NRXN3: variants seen among roughly 807,000 people sequenced by gnomAD.
NRXN3 encodes the protein neurexin III.
In NRXN3, 32 loss-of-function variants were observed where a neutral mutation model predicts 137.6. The observed-to-expected ratio is 0.23, with a 90% CI of 0.18 to 0.31. The LOEUF (loss-of-function observed/expected upper bound fraction) is 0.31, where lower values mean the gene tolerates loss of function less well. Among genes scored for constraint, NRXN3 ranks in the 10% least tolerant of loss-of-function variants. NRXN3 has a pLI of 1.00. For missense variants in NRXN3, 1,574 were observed against 2,062.5 expected, an observed-to-expected ratio of 0.76 and a Z score of 4.59; for synonymous variants, 798 against 784.5, an observed-to-expected ratio of 1.02 and a Z score of -0.29.
At chr14:79,536,257 G>A (rs916028307) in intron 16 of NRXN3, among the ~76,000 whole-genome samples, 1 of 152,114 alleles carries the variant, frequency 6.6e-6, no homozygotes, top group African/African-American at 2.4e-5. Flanking sequence ...ACAGAGCATG[G>A]AAAACCATAA....
intron 2 of NRXN3, among the ~76,000 whole-genome samples, chr14:78,274,418 A>G (rs2153492934): frequency 6.6e-6 from 1 of 152,282 alleles, no homozygotes; most frequent in South Asian, 2.1e-4. Flanking sequence ...ATCTTGTGAG[A>G]ACTTATTCAC....
At chr14:79,594,990 A>T (rs182885668) in intron 16 of NRXN3, among the ~76,000 whole-genome samples, 8,724 of 152,278 alleles carry the variant, frequency 0.057, 253 homozygotes, top group East Asian at 0.081. Flanking sequence ...CACTTGAATC[A>T]ATTTTTGGTT....
intron 10 of NRXN3, among the ~76,000 whole-genome samples, chr14:78,907,206 G>A (rs2099220203): frequency 6.6e-6 from 1 of 151,856 alleles, no homozygotes; most frequent in Admixed American, 6.6e-5. Context: ...ATTATAGTCA[G>A]CTTTGTTGCA....
intron 19 of NRXN3, among the ~76,000 whole-genome samples, chr14:79,735,424 A>AATT (rs1305545754): frequency 3.3e-5 from 5 of 152,196 alleles, no homozygotes; most frequent in Non-Finnish European, 5.9e-5. Flanking sequence ...TCCCTTGAAA[A>AATT]ATTAGACTTA....
intron 15 of NRXN3, among the ~76,000 whole-genome samples, chr14:79,382,691 C>T (rs539729898): frequency 3.4e-4 from 52 of 151,954 alleles, no homozygotes; most frequent in South Asian, 2.3e-3. Flanking sequence ...ACTAGGGAGC[C>T]GGAAAGCAAA....
intron 15 of NRXN3, among the ~76,000 whole-genome samples, chr14:79,348,866 A>G (rs2093046396): frequency 6.6e-6 from 1 of 152,140 alleles, no homozygotes; most frequent in South Asian, 2.1e-4. Context: ...AGTCCATCAC[A>G]TTTCATAGGG....
intron 15 of NRXN3, among the ~76,000 whole-genome samples, chr14:79,383,267 A>C (rs1031088185): frequency 6.6e-6 from 1 of 151,884 alleles, no homozygotes; most frequent in Non-Finnish European, 1.5e-5. Context: ...TTGGCACCCA[A>C]CCCTCCTATG....
At chr14:79,377,889 G>C (rs2094350862) in intron 15 of NRXN3, among the ~76,000 whole-genome samples, 1 of 152,210 alleles carries the variant, frequency 6.6e-6, no homozygotes, top group South Asian at 2.1e-4. Flanking sequence ...CAAAGAAGTG[G>C]GGTGTTGAAA....
At chr14:79,647,515 G>A (rs923424595) in intron 16 of NRXN3, among the ~76,000 whole-genome samples, 1 of 136,132 alleles carries the variant, frequency 7.3e-6, no homozygotes, top group African/African-American at 2.4e-5. Context: ...ATGTTTCTGA[G>A]TCAAGGTGAA....
At chr14:79,198,556 A>T (rs2153201103) in intron 15 of NRXN3, among the ~76,000 whole-genome samples, 1 of 152,370 alleles carries the variant, frequency 6.6e-6, no homozygotes, top group African/African-American at 2.4e-5. Flanking sequence ...TTAATGCTAA[A>T]GGGAGATAAA....
At chr14:79,380,747 G>C (rs1427620882) in intron 15 of NRXN3, among the ~76,000 whole-genome samples, 8 of 152,192 alleles carry the variant, frequency 5.3e-5, no homozygotes, top group Admixed American at 5.2e-4. Context: ...GGTAACAACA[G>C]GTGCTGGAGA....
At chr14:78,476,752 T>C (rs987131808) in intron 4 of NRXN3, among the ~76,000 whole-genome samples, 3 of 152,194 alleles carry the variant, frequency 2.0e-5, no homozygotes, top group Admixed American at 6.5e-5. Flanking sequence ...GTTATTATAA[T>C]AAAATTTTAT....
At chr14:79,034,913 C>A (rs2099613677) in intron 15 of NRXN3, among the ~76,000 whole-genome samples, 1 of 152,042 alleles carries the variant, frequency 6.6e-6, no homozygotes, top group Non-Finnish European at 1.5e-5. Context: ...ACATTCCAAG[C>A]AAATGCTCTG....
rs1399404758 is a variant in NRXN3, at chr14:79,645,160, AT to A, written c.3445-18610del. ...TGAAAGGCAGACTTTCTTATTCCATATTTTTTTTGTCCTTAAATATATTGTT... is the reference window on the plus strand; with the variant it reads ...TGAAAGGCAGACTTTCTTATTCCATATTTTTTTGTCCTTAAATATATTGTT... On this transcript the variant is annotated intron_variant, in intron 16 of 20. Transcript: ENST00000335750. Among the ~76,000 whole-genome samples, 8 of 133,782 alleles carry A rather than the reference AT, an allele frequency of 6.0e-5. 3 individuals are homozygous for A. Among genetic ancestry groups the A allele is most frequent in the Non-Finnish European group, 8.7e-5 (5 of 57,492 alleles). 87.8% of individuals were successfully genotyped at this position (133,782 alleles called of 152,430 possible). A position where few individuals can be genotyped will look rare whatever the true frequency, so the allele number is the denominator to read the frequency against.
intron 15 of NRXN3, among the ~76,000 whole-genome samples, chr14:79,408,264 C>A (rs1398323463): frequency 6.6e-6 from 1 of 152,098 alleles, no homozygotes; most frequent in African/African-American, 2.4e-5. Flanking sequence ...CCCCTTTGCT[C>A]CTCAAAACCA....
chr14:79,807,712 C>A (rs1490873313), intron 20 of NRXN3, among the ~76,000 whole-genome samples: 2 of 152,108 alleles, frequency 1.3e-5, no homozygotes, highest in African/African-American at 2.4e-5. Context: ...GACAGAACCC[C>A]TACCTTTAAA....
intron 2 of NRXN3, among the ~76,000 whole-genome samples, chr14:78,263,974 A>G (rs1022175457): frequency 2.6e-5 from 4 of 151,110 alleles, no homozygotes; most frequent in African/African-American, 9.8e-5. Context: ...TGCAGTTTGA[A>G]AAACCAAATC....
intron 4 of NRXN3, among the ~76,000 whole-genome samples, chr14:78,352,681 G>C (rs192571756): frequency 2.7e-4 from 41 of 152,326 alleles, no homozygotes; most frequent in African/African-American, 9.4e-4. Context: ...TGAGATAAGA[G>C]AGATTTGTAT....
At chr14:78,849,272 G>A (rs901864232) in intron 10 of NRXN3, among the ~76,000 whole-genome samples, 1 of 152,050 alleles carries the variant, frequency 6.6e-6, no homozygotes, top group Non-Finnish European at 1.5e-5. Flanking sequence ...TTTAGACTCA[G>A]ATACACAAAC....
Sources: allele counts gnomAD v4.1 joint callset (sites outside exome capture counted in the v4.1 genomes callset), GRCh38; gene constraint gnomAD v4.1.1; transcripts MANE v1.5; gene names NCBI Gene and HGNC (gene_info 2026-07-23, HGNC 2026-07-21).